Variants in QKI observed in about 807,000 individuals in gnomAD.
QKI encodes KH domain-containing RNA-binding protein QKI.
QKI carries 10 observed loss-of-function variants against 39.0 expected under a neutral mutation model. The observed-to-expected ratio is 0.26, with a 90% CI of 0.16 to 0.43. The LOEUF (loss-of-function observed/expected upper bound fraction) is 0.43, where lower values mean the gene tolerates loss of function less well. Among genes scored for constraint, QKI ranks in the 20% least tolerant of loss-of-function variants. The pLI, the probability that QKI is intolerant of heterozygous loss-of-function variation, is 1.00. For synonymous variants in QKI, 204 were observed against 155.4 expected (o/e 1.31, Z -2.33); for missense variants, 218 against 428.0 (o/e 0.51, Z 4.33).
intron 3 of QKI, among the ~76,000 whole-genome samples, chr6:163,489,722 G>T (rs752861048): frequency 9.9e-5 from 15 of 152,042 alleles, no homozygotes; most frequent in Non-Finnish European, 2.2e-4. Flanking sequence ...CTCAGCTAGG[G>T]TTCCTCATCT....
intron 4 of QKI, among the ~76,000 whole-genome samples, chr6:163,544,188 C>G (rs749324353): frequency 6.6e-6 from 1 of 152,014 alleles, no homozygotes; most frequent in Non-Finnish European, 1.5e-5. Context: ...TTTAAATTTG[C>G]ATCCTTCAAG....
At chr6:163,427,574 C>T (rs1036694467) in intron 1 of QKI, among the ~76,000 whole-genome samples, 1 of 151,772 alleles carries the variant, frequency 6.6e-6, no homozygotes, top group Non-Finnish European at 1.5e-5. Context: ...TAGCTGTGTT[C>T]TTTTGTTGTA....
chr6:163,569,858 A>G (rs1459777970), intron 7 of QKI: 10 of 987,818 alleles, frequency 1.0e-5, no homozygotes, highest in African/African-American at 1.7e-5. Flanking sequence ...AATTTCTTCT[A>G]TTTTTTGATG....
intron 4 of QKI, among the ~76,000 whole-genome samples, chr6:163,553,933 A>G (rs1782422651): frequency 6.6e-6 from 1 of 152,188 alleles, no homozygotes. Context: ...TATGTGTGGA[A>G]AGTTGTTGAT....
intron 3 of QKI, among the ~76,000 whole-genome samples, chr6:163,514,237 A>G (rs1195351489): frequency 1.3e-5 from 2 of 152,178 alleles, no homozygotes; most frequent in Non-Finnish European, 2.9e-5. Flanking sequence ...AATACTTTTT[A>G]AGAAATGTCT....
intron 1 of QKI, among the ~76,000 whole-genome samples, chr6:163,446,975 C>T (rs1000111539): frequency 6.6e-6 from 1 of 152,148 alleles, no homozygotes; most frequent in Non-Finnish European, 1.5e-5. Flanking sequence ...CTTTCTTTCA[C>T]ACGCTATTAA....
chr6:163,431,195 T>A (rs1277076146), intron 1 of QKI, among the ~76,000 whole-genome samples: 1 of 152,114 alleles, frequency 6.6e-6, no homozygotes, highest in Non-Finnish European at 1.5e-5. Flanking sequence ...AAAAAAAAGT[T>A]ATATTATTCC....
intron 4 of QKI, among the ~76,000 whole-genome samples, chr6:163,556,819 A>C (rs1329603554): frequency 6.6e-6 from 1 of 152,106 alleles, no homozygotes; most frequent in Non-Finnish European, 1.5e-5. Context: ...CTTCCCCGAT[A>C]CCACAGGTTT....
At chr6:163,488,837 G>A (rs2128227851) in intron 3 of QKI, among the ~76,000 whole-genome samples, 1 of 152,196 alleles carries the variant, frequency 6.6e-6, no homozygotes, top group South Asian at 2.1e-4. Flanking sequence ...ATATTTACAT[G>A]GTTCCAAAGC....
chr6:163,514,106 A>G (rs1398673645), intron 3 of QKI, among the ~76,000 whole-genome samples: 2 of 152,178 alleles, frequency 1.3e-5, no homozygotes, highest in East Asian at 3.8e-4. Flanking sequence ...TGGCACACTC[A>G]GTGGGAACAT....
intron 3 of QKI, among the ~76,000 whole-genome samples, chr6:163,525,690 A>G (rs566440602): frequency 6.2e-4 from 94 of 152,220 alleles, no homozygotes; most frequent in African/African-American, 2.2e-3. Flanking sequence ...ATTGTTTTCA[A>G]TGAAATAATT....
rs118086747 is a variant in QKI at position 163,540,243 on chromosome 6, G to A, written c.546+5118G>A. On this transcript the variant is annotated intron_variant, in intron 4 of 7. Transcript: ENST00000361752. ...AGTCCAGGCTTGAGGGTCCTAGCAG[G>A]GTGGGGAGTAGGGAGGGGCAGACTT... Among the ~76,000 whole-genome samples the A allele has an allele frequency of 5.0e-3, 754 of 152,062 alleles. 9 individuals carry two copies. The highest frequency in any genetic ancestry group is 7.7e-3 in the Non-Finnish European group (523 of 67,948).
chr6:163,437,205 T>C (rs803612), intron 1 of QKI, among the ~76,000 whole-genome samples: 143,169 of 152,274 alleles, frequency 0.94, 67,342 homozygotes, highest in East Asian at 0.98. Context: ...CAGATGAAAA[T>C]TAAAATTTGT....
At chr6:163,464,040 A>T (rs1018549995) in intron 2 of QKI, among the ~76,000 whole-genome samples, 1 of 151,868 alleles carries the variant, frequency 6.6e-6, no homozygotes, top group African/African-American at 2.4e-5. Flanking sequence ...ATGTGCTTTG[A>T]CTCCTACAGA....
rs1238873439 is a variant in QKI at position 163,415,010 on chromosome 6, G to A, written c.-184G>A. 2.1e-6 allele frequency: 1 copy of A among 471,190 alleles called. No homozygotes were observed. The highest frequency in any genetic ancestry group is 8.7e-5 in the South Asian group (1 of 11,540). The allele number at this position is 471,190 out of a possible 1,614,324, so 29.2% of individuals were successfully genotyped here. The stretch of plus-strand genomic sequence containing the variant: ...TCGGGCCCGGGCGGAAAGTGCCTGC[G>A]GGGGGCGGGCGAGCGCGCGGTGCCG... On this transcript the variant is annotated 5_prime_UTR_variant, in exon 1 of 8. Coordinates refer to ENST00000361752, the MANE Select transcript of QKI (RefSeq NM_006775.3).
chr6:163,559,925 A>G (rs1028343174), intron 4 of QKI, among the ~76,000 whole-genome samples: 1 of 152,164 alleles, frequency 6.6e-6, no homozygotes, highest in African/African-American at 2.4e-5. Flanking sequence ...AAATATCACA[A>G]AGTCATGTAA....
intron 2 of QKI, among the ~76,000 whole-genome samples, chr6:163,474,107 G>A (rs918141679): frequency 6.6e-6 from 1 of 152,130 alleles, no homozygotes; most frequent in African/African-American, 2.4e-5. Context: ...AATAGATAGT[G>A]AAAAATGATA....
intron 3 of QKI, among the ~76,000 whole-genome samples, chr6:163,481,448 G>A (rs986844741): frequency 2.6e-5 from 4 of 152,114 alleles, no homozygotes; most frequent in Admixed American, 1.3e-4. Flanking sequence ...TGAGTACCTG[G>A]CACAGAGTGC....
chr6:163,424,718 G>C (rs1301518352), intron 1 of QKI, among the ~76,000 whole-genome samples: 2 of 150,124 alleles, frequency 1.3e-5, no homozygotes, highest in Non-Finnish European at 3.0e-5. Flanking sequence ...TGCAACCTCT[G>C]TCTCCCAGGT....
Sources: gnomAD v4.1 joint callset for allele counts (sites outside exome capture counted in the v4.1 genomes callset) on GRCh38, gnomAD v4.1.1 for gene constraint, MANE v1.5 for transcripts, NCBI Gene and HGNC (gene_info 2026-07-23, HGNC 2026-07-21) for gene names.